The following NEB variants were observed in gnomAD, a reference collection of about 807,000 sequenced individuals.
NEB encodes the protein nemaline myopathy type 2.
NEB carries 512 observed loss-of-function variants against 952.2 expected under a neutral mutation model. The observed-to-expected ratio is 0.54, with a 90% CI of 0.50 to 0.58. The LOEUF (loss-of-function observed/expected upper bound fraction) is 0.58. NEB is among the 20% of genes least tolerant of loss of function. The probability of loss-of-function intolerance (pLI) is 0.00; values close to 1 mark genes in which losing one functional copy is unlikely to be tolerated. For synonymous variants in NEB, 2,900 were observed against 3,149.8 expected (o/e 0.92, Z 2.66); for missense variants, 8,428 against 9,231.1 (o/e 0.91, Z 3.56).
rs765560410 is a variant in NEB at position 151,671,246 on chromosome 2, T to C, written c.4300-17A>G. The C allele has an allele frequency of 4.4e-6, 7 of 1,590,926 alleles. No individual in the cohort carries two copies. Among genetic ancestry groups the C allele is most frequent in the Non-Finnish European group, 5.2e-6 (6 of 1,160,534 alleles). ...ATACACATTCTGTAAAAGGGTAAGC[T>C]AATATGAGAAGATACCCTGGAGAAT... On this transcript the variant is annotated splice_polypyrimidine_tract_variant and intron_variant, in intron 37 of 181. Coordinates refer to ENST00000397345, the MANE Select transcript of NEB (RefSeq NM_001164508.2).
intron 36 of NEB, among the ~76,000 whole-genome samples, chr2:151,673,935 G>T (rs1176204470): frequency 6.6e-6 from 1 of 151,564 alleles, no homozygotes; most frequent in African/African-American, 2.4e-5. Flanking sequence ...ATTTTGGCCA[G>T]GCGTGAGCCA....
chr2:151,667,816 A>G lies in NEB; in HGVS notation c.4707T>C (p.Asn1569=), dbSNP rs2154182790. The change falls in exon 40 of 182, where the codon AAT becomes AAC. Residue 1569 remains asparagine, a synonymous_variant. Transcript: ENST00000397345. ...AAGTTAGACTTACATCACTAGCAAT[A>G]TTCCTTGAACTTTTTGCAGCAACAA... The part of the protein sequence containing the change: ...IPIVAAKSSR[N]IASDCKYKEA... 3 of 1,612,138 alleles carry G rather than the reference A, an allele frequency of 1.9e-6. No homozygotes were observed. Among genetic ancestry groups the G allele is most frequent in the Non-Finnish European group, 2.5e-6 (3 of 1,178,576 alleles).
At chr2:151,592,174 G>C in intron 94 of NEB, 36 bp from the exon 95 acceptor site, 1 of 1,548,972 alleles carries the variant, frequency 6.5e-7, no homozygotes, top group East Asian at 2.4e-5. Context: ...TGGTCAATTA[G>C]TAAATAAGTC....
At chr2:151,529,180 A>G (rs1261254058) in intron 146 of NEB, 30 bp downstream of exon 146, 1 of 1,463,636 alleles carries the variant, frequency 6.8e-7, no homozygotes, top group South Asian at 1.1e-5. Flanking sequence ...TAAATCCCCC[A>G]CCATGCTTGG....
At chr2:151,573,517 G>C (rs2096719813) in intron 107 of NEB, among the ~76,000 whole-genome samples, 1 of 152,164 alleles carries the variant, frequency 6.6e-6, no homozygotes, top group East Asian at 1.9e-4. Flanking sequence ...TGGTCCAAAA[G>C]AGAAAATACA....
At chr2:151,633,603 ATAGTT>A (rs1028550280) in intron 65 of NEB, 46 bp downstream of exon 65, 1 of 1,547,260 alleles carries the variant, frequency 6.5e-7, no homozygotes, top group Non-Finnish European at 8.7e-7. Flanking sequence ...TAATTTTCAC[ATAGTT>A]TAAATTATTT....
intron 66 of NEB, 106 bp downstream of exon 66, chr2:151,631,037 A>G: frequency 6.9e-7 from 1 of 1,443,656 alleles, no homozygotes; most frequent in South Asian, 1.3e-5. Context: ...TTTAAAAGGT[A>G]AAAATGCGAC....
At chr2:151,623,785 T>C (rs2098463574) in intron 71 of NEB, among the ~76,000 whole-genome samples, 1 of 152,176 alleles carries the variant, frequency 6.6e-6, no homozygotes, top group Admixed American at 6.5e-5. Flanking sequence ...ACTTTATTTA[T>C]TACATTTTTT....
At chr2:151,502,225 G>A (rs1193034876) in intron 167 of NEB, among the ~76,000 whole-genome samples, 2 of 152,152 alleles carry the variant, frequency 1.3e-5, no homozygotes, top group Admixed American at 6.5e-5. Context: ...GCAGGAAAGA[G>A]TGGAAGTGAG....
chr2:151,694,585 A>C lies in NEB; in HGVS notation c.1719T>G (p.Phe573Leu). ...QDWEKSKAKK[F>L]DIKVDAIPLL... ...GGGGAATGGCATCCACTTTAATGTCAAACTTTTTGGCTTTGCTCTTCTCCC... is the reference window on the plus strand; with the variant it reads ...GGGGAATGGCATCCACTTTAATGTCCAACTTTTTGGCTTTGCTCTTCTCCC... The change falls in exon 19 of 182, where the codon TTT becomes TTG. Residue 573 changes from phenylalanine to leucine, a missense_variant. By Grantham distance (22) the Phe-to-Leu change is conservative (BLOSUM62 0). Transcript: ENST00000397345. 1.2e-6 allele frequency: 2 copies of C among 1,605,950 alleles called. No individual in the cohort carries two copies. Among genetic ancestry groups the C allele is most frequent in the Non-Finnish European group, 1.7e-6 (2 of 1,175,438 alleles).
chr2:151,709,558 A>C, intron 12 of NEB, 98 bp downstream of exon 12: 1 of 873,148 alleles, frequency 1.1e-6, no homozygotes, highest in Non-Finnish European at 1.8e-6. Context: ...CCCAAGAACC[A>C]CTCCTCCCCT....
intron 113 of NEB, 108 bp downstream of exon 113, chr2:151,567,963 C>T: frequency 1.3e-6 from 1 of 798,810 alleles, no homozygotes; most frequent in Non-Finnish European, 2.0e-6. Context: ...AGGTCTGCCA[C>T]ACTGAAACTG....
At chr2:151,511,615 A>G (rs186731051) in intron 161 of NEB, among the ~76,000 whole-genome samples, 3 of 152,342 alleles carry the variant, frequency 2.0e-5, no homozygotes, top group Admixed American at 2.0e-4. Context: ...CATTGATCAG[A>G]AGACAAGCAC....
At chr2:151,682,161 T>G (rs1462405266) in intron 29 of NEB, among the ~76,000 whole-genome samples, 3 of 152,016 alleles carry the variant, frequency 2.0e-5, no homozygotes, top group African/African-American at 7.2e-5. Context: ...AAGATAAAAC[T>G]TTAGAGACAG....
intron 141 of NEB, among the ~76,000 whole-genome samples, 195 bp downstream of exon 141, chr2:151,536,937 A>G (rs929240461): frequency 6.6e-6 from 1 of 152,220 alleles, no homozygotes; most frequent in Admixed American, 6.5e-5. Context: ...CATCAAATTC[A>G]AATAAATGCC....
chr2:151,488,815 C>A (rs1048283725), intron 181 of NEB, among the ~76,000 whole-genome samples: 1 of 152,064 alleles, frequency 6.6e-6, no homozygotes, highest in East Asian at 1.9e-4. Context: ...AAATAACTTA[C>A]CCCTTTCTTG....
intron 48 of NEB, among the ~76,000 whole-genome samples, chr2:151,657,372 C>T (rs1408582986): frequency 6.6e-6 from 1 of 152,112 alleles, no homozygotes; most frequent in Non-Finnish European, 1.5e-5. Context: ...GTGGAAACAA[C>T]CAAATGAAAG....
At position 151,485,362 on chromosome 2, in the gene NEB, G is replaced by GAGGTTTTATTAT. The variant is rs1228887205; in HGVS notation, c.*397_*398insATAATAAAACCT. ...AGTTGCAGAATTAGAGGTTTTATTA[G>GAGGTTTTATTAT]TTGCTGGTTTGTATTGATTATAAGT... is the stretch of plus-strand genomic sequence containing the variant. On this transcript the variant is annotated 3_prime_UTR_variant, in exon 182 of 182. Transcript: ENST00000397345. 1.3e-5 allele frequency: 2 copies of GAGGTTTTATTAT among 156,226 alleles called. No individual in the cohort carries two copies. The highest frequency in any genetic ancestry group is 3.7e-4 in the East Asian group (2 of 5,364). 9.7% of individuals were successfully genotyped at this position (156,226 alleles called of 1,614,324 possible).
intron 171 of NEB, 117 bp from the exon 172 acceptor site, chr2:151,497,150 A>G (rs1451092521): frequency 4.4e-6 from 6 of 1,358,424 alleles, no homozygotes; most frequent in Middle Eastern, 1.8e-4. Flanking sequence ...CCAAGGAGCC[A>G]GAAGTTATAT....
Sources: allele counts gnomAD v4.1 joint callset (sites outside exome capture counted in the v4.1 genomes callset), GRCh38; gene constraint gnomAD v4.1.1; transcripts MANE v1.5; gene names NCBI Gene and HGNC (gene_info 2026-07-23, HGNC 2026-07-21).